Variants in ZRANB3 observed in about 807,000 individuals in gnomAD.
The protein encoded by ZRANB3 is DNA annealing helicase and endonuclease ZRANB3.
A neutral mutation model predicts 133.8 loss-of-function variants in ZRANB3; 125 were observed. The observed-to-expected ratio is 0.93, with a 90% confidence interval of 0.81 to 1.08. The LOEUF (loss-of-function observed/expected upper bound fraction) is 1.08. ZRANB3 is among the 50% of genes least tolerant of loss of function. The probability of loss-of-function intolerance (pLI) is 0.00; values close to 1 mark genes in which losing one functional copy is unlikely to be tolerated. For synonymous variants in ZRANB3, 387 were observed against 432.7 expected, an observed-to-expected ratio of 0.89 and a Z score of 1.31; for missense variants, 1,229 against 1,275.5, an observed-to-expected ratio of 0.96 and a Z score of 0.56.
intron 17 of ZRANB3, among the ~76,000 whole-genome samples, chr2:135,213,599 TAC>T (rs916734569): frequency 3.9e-5 from 6 of 152,164 alleles, no homozygotes; most frequent in African/African-American, 1.4e-4. Context: ...TCTCTAGATA[TAC>T]CTCCTTAAGA....
intron 12 of ZRANB3, among the ~76,000 whole-genome samples, chr2:135,264,380 G>A (rs1358964248): frequency 6.7e-6 from 1 of 150,300 alleles, no homozygotes; most frequent in African/African-American, 2.4e-5. Flanking sequence ...ACTGAGGCAG[G>A]AGAATCGCTT....
chr2:135,400,335 T>C (rs567947181), intron 2 of ZRANB3, among the ~76,000 whole-genome samples: 64 of 152,244 alleles, frequency 4.2e-4, no homozygotes, highest in Middle Eastern at 3.4e-3. Flanking sequence ...ATCCATATTT[T>C]GTTTCTTTGT....
Position 135,409,446 on chromosome 2 carries a change from T to TAA in ZRANB3, c.162-18628_162-18627dup, listed in dbSNP as rs142260063. 9.2e-5 allele frequency among the ~76,000 whole-genome samples: 14 copies of TAA among 151,384 alleles called. No homozygotes were observed. In the East Asian group the frequency reaches 1.6e-3, roughly 17 times the overall value. ...GATAAAATCCAACATCGCTTTATGATAAAAAAAAACTCTCAACAAATTAGG... is the reference window on the plus strand; with the variant it reads ...GATAAAATCCAACATCGCTTTATGATAAAAAAAAAAACTCTCAACAAATTAGG... On this transcript the variant is annotated intron_variant, in intron 2 of 20. Coordinates refer to ENST00000264159, the MANE Select transcript of ZRANB3 (RefSeq NM_032143.4).
intron 2 of ZRANB3, among the ~76,000 whole-genome samples, chr2:135,429,590 G>A (rs1351860139): frequency 4.0e-5 from 6 of 151,854 alleles, no homozygotes; most frequent in Admixed American, 3.3e-4. Context: ...ATACCGAGAA[G>A]GTAAGAATGA....
intron 3 of ZRANB3, among the ~76,000 whole-genome samples, chr2:135,385,271 A>T (rs1303153883): frequency 1.3e-5 from 2 of 152,194 alleles, no homozygotes; most frequent in African/African-American, 2.4e-5. Context: ...ATACCTAGGA[A>T]TCCAACTTAC....
rs77474927 is a variant in ZRANB3, at chr2:135,239,169, C to T, written c.1540-8242G>A. 4.9e-3 allele frequency among the ~76,000 whole-genome samples: 739 copies of T among 152,156 alleles called. 18 individuals carry two copies. Among genetic ancestry groups the T allele is most frequent in the East Asian group, 0.037 (193 of 5,188 alleles). On this transcript the variant is annotated intron_variant, in intron 12 of 20. Coordinates refer to ENST00000264159, the MANE Select transcript of ZRANB3 (RefSeq NM_032143.4). ...TTTTACATAATGAATATTATCTGTA[C>T]TTCTTAGTGGTACTATATAAGAAAG...
intron 3 of ZRANB3, among the ~76,000 whole-genome samples, chr2:135,356,606 T>C (rs1457604862): frequency 6.6e-6 from 1 of 152,212 alleles, no homozygotes; most frequent in Non-Finnish European, 1.5e-5. Context: ...ATCTAATCTA[T>C]TAAATCTACT....
chr2:135,210,607 G>T (rs1694055019), intron 17 of ZRANB3, among the ~76,000 whole-genome samples: 1 of 152,094 alleles, frequency 6.6e-6, no homozygotes, highest in South Asian at 2.1e-4. Flanking sequence ...GGAATTACAG[G>T]TGTGAGCCAC....
At chr2:135,513,595 C>T (rs1038611407) in intron 1 of ZRANB3, among the ~76,000 whole-genome samples, 7 of 152,076 alleles carry the variant, frequency 4.6e-5, no homozygotes, top group African/African-American at 1.7e-4. Context: ...ACAGTTAAAA[C>T]TATAAAACTT....
chr2:135,237,619 T>G (rs1373725956), intron 12 of ZRANB3, among the ~76,000 whole-genome samples: 34 of 151,632 alleles, frequency 2.2e-4, no homozygotes, highest in Non-Finnish European at 3.8e-4. Flanking sequence ...CCATAAAAAA[T>G]GATGAGTTCA....
rs1336880793 is a variant in ZRANB3 at position 135,271,768 on chromosome 2, C to T, written c.1206G>A (p.Gln402=). 1 of 1,606,540 alleles carries T rather than the reference C, an allele frequency of 6.2e-7. No individual in the cohort carries two copies. Among genetic ancestry groups the T allele is most frequent in the Non-Finnish European group, 8.5e-7 (1 of 1,177,828 alleles). Residue 402 remains glutamine (Q), a splice_region_variant and synonymous_variant, in exon 10 of 21, where the codon CAG becomes CAA. Coordinates refer to ENST00000264159, the MANE Select transcript of ZRANB3 (RefSeq NM_032143.4). ...CAAATTTAGACTTGAAATTTCTTAC[C>T]TGGCCAGCAGCCTGAATGCTTAGGA... The part of the protein sequence containing the change: ...VAILSIQAAG[Q]GLTFTAASHV...
intron 19 of ZRANB3, among the ~76,000 whole-genome samples, chr2:135,207,187 TAAATAATA>T (rs1407441620): frequency 2.7e-5 from 4 of 149,320 alleles, no homozygotes; most frequent in African/African-American, 1.0e-4. Flanking sequence ...AATAAATAAA[TAAATAATA>T]AATAAATAAA....
At chr2:135,295,555 T>C (rs1273976627) in intron 8 of ZRANB3, among the ~76,000 whole-genome samples, 3 of 152,218 alleles carry the variant, frequency 2.0e-5, no homozygotes, top group Non-Finnish European at 2.9e-5. Context: ...TGTCTTTTAA[T>C]TGGAGCATTT....
intron 3 of ZRANB3, among the ~76,000 whole-genome samples, chr2:135,354,531 G>GTA (rs1428906916): frequency 6.6e-6 from 1 of 152,152 alleles, no homozygotes; most frequent in African/African-American, 2.4e-5. Context: ...TAACTCAAAT[G>GTA]TACTTCACCT....
chr2:135,522,737 T>C (rs1224899763), intron 1 of ZRANB3, among the ~76,000 whole-genome samples: 1 of 152,132 alleles, frequency 6.6e-6, no homozygotes, highest in Non-Finnish European at 1.5e-5. Flanking sequence ...AAAAAAGTTT[T>C]AGAAAATCCT....
At chr2:135,441,704 T>A (rs1284036819) in intron 2 of ZRANB3, among the ~76,000 whole-genome samples, 1 of 152,040 alleles carries the variant, frequency 6.6e-6, no homozygotes, top group African/African-American at 2.4e-5. Flanking sequence ...TTTACCAGAA[T>A]TAAGTCAGAA....
intron 2 of ZRANB3, among the ~76,000 whole-genome samples, chr2:135,403,337 C>G (rs1687833624): frequency 6.6e-6 from 1 of 152,212 alleles, no homozygotes. Context: ...GTCCTCCGCC[C>G]ACAGAGCCTC....
intron 2 of ZRANB3, among the ~76,000 whole-genome samples, chr2:135,461,004 T>C (rs1015191175): frequency 6.6e-6 from 1 of 152,176 alleles, no homozygotes; most frequent in African/African-American, 2.4e-5. Flanking sequence ...TCAATAACCA[T>C]AGTAGCTATC....
At chr2:135,278,303 C>T (rs1680935533) in intron 8 of ZRANB3, among the ~76,000 whole-genome samples, 1 of 151,978 alleles carries the variant, frequency 6.6e-6, no homozygotes, top group Non-Finnish European at 1.5e-5. Flanking sequence ...AATACCAATA[C>T]CAGAAATGAG....
Sources: gnomAD v4.1 joint callset for allele counts (sites outside exome capture counted in the v4.1 genomes callset) on GRCh38, gnomAD v4.1.1 for gene constraint, MANE v1.5 for transcripts, NCBI Gene and HGNC (gene_info 2026-07-23, HGNC 2026-07-21) for gene names.